FOXP2: variants seen among roughly 807,000 people sequenced by gnomAD.
FOXP2 encodes the protein forkhead box P2.
A neutral mutation model predicts 115.8 loss-of-function variants in FOXP2; 12 were observed. The observed-to-expected ratio is 0.10, with a 90% CI of 0.07 to 0.17. The LOEUF is 0.17. FOXP2 is among the 10% of genes least tolerant of loss of function. The pLI is 1.00. For synonymous variants in FOXP2, 328 were observed against 297.7 expected, an observed-to-expected ratio of 1.10 and a Z score of -1.05; for missense variants, 629 against 843.5, an observed-to-expected ratio of 0.75 and a Z score of 3.15.
chr7:114,187,076 AT>A (rs1191549113), intron 1 of FOXP2, among the ~76,000 whole-genome samples: 1 of 152,130 alleles, frequency 6.6e-6, no homozygotes, highest in Non-Finnish European at 1.5e-5. Context: ...TTGTACAATA[AT>A]TTCTGGCTTT....
chr7:114,388,650 C>T (rs1207139189), intron 2 of FOXP2, among the ~76,000 whole-genome samples: 5 of 152,108 alleles, frequency 3.3e-5, no homozygotes, highest in African/African-American at 1.2e-4. Flanking sequence ...AAAAAATATA[C>T]TGTTAGAGAA....
At chr7:114,115,860 G>C (rs964560893) in intron 1 of FOXP2, among the ~76,000 whole-genome samples, 1 of 152,104 alleles carries the variant, frequency 6.6e-6, no homozygotes, top group African/African-American at 2.4e-5. Context: ...ATGGCACCTG[G>C]TGTATGGTAG....
At chr7:114,191,347 A>G (rs1203118663) in intron 1 of FOXP2, among the ~76,000 whole-genome samples, 1 of 152,194 alleles carries the variant, frequency 6.6e-6, no homozygotes. Flanking sequence ...ATTACAAAAA[A>G]TCCCAAGAGA....
chr7:114,401,386 C>A (rs1308769917), intron 2 of FOXP2, among the ~76,000 whole-genome samples: 1 of 152,148 alleles, frequency 6.6e-6, no homozygotes, highest in Non-Finnish European at 1.5e-5. Flanking sequence ...CTTCTATTGA[C>A]TTGAAGAGAT....
intron 1 of FOXP2, among the ~76,000 whole-genome samples, chr7:114,287,510 C>T (rs1477286376): frequency 6.6e-6 from 1 of 151,888 alleles, no homozygotes; most frequent in African/African-American, 2.4e-5. Context: ...CTGGGAAATA[C>T]AAACTTAAAT....
intron 2 of FOXP2, among the ~76,000 whole-genome samples, chr7:114,389,078 G>A (rs1023140135): frequency 1.3e-5 from 2 of 152,154 alleles, no homozygotes; most frequent in African/African-American, 4.8e-5. Context: ...ACTCTCTTTA[G>A]CTATACTAGC....
At chr7:114,135,241 AT>A (rs1226394273) in intron 1 of FOXP2, among the ~76,000 whole-genome samples, 1 of 152,092 alleles carries the variant, frequency 6.6e-6, no homozygotes, top group African/African-American at 2.4e-5. Flanking sequence ...CAACTGAAAA[AT>A]TTACTTATGA....
Position 114,562,604 on chromosome 7 carries a change from C to T in FOXP2, c.258+27898C>T, listed in dbSNP as rs180991588. On this transcript the variant is annotated intron_variant, in intron 3 of 16. Transcript: ENST00000350908. The stretch of plus-strand genomic sequence containing the variant: ...TCCTGTGCATGATACCTACCCCTTT[C>T]CACCTCTTCCAGAACCTTGTCTTGT... Among the ~76,000 whole-genome samples, 51 of 152,288 alleles carry T rather than the reference C, an allele frequency of 3.3e-4. No individual in the cohort carries two copies. The East Asian group carries it at 8.9e-3, about 27-fold the overall frequency.
At chr7:114,148,420 T>C (rs1792438615) in intron 1 of FOXP2, among the ~76,000 whole-genome samples, 1 of 152,196 alleles carries the variant, frequency 6.6e-6, no homozygotes, top group Non-Finnish European at 1.5e-5. Context: ...TTCTCTTTTG[T>C]TCTTTGTAGG....
chr7:114,163,903 T>C (rs754627736), intron 1 of FOXP2, among the ~76,000 whole-genome samples: 4 of 152,220 alleles, frequency 2.6e-5, no homozygotes, highest in Non-Finnish European at 4.4e-5. Flanking sequence ...ATCATTTTAT[T>C]ATTCCTCAGT....
At chr7:114,372,232 C>A (rs1792029809) in intron 2 of FOXP2, among the ~76,000 whole-genome samples, 1 of 152,126 alleles carries the variant, frequency 6.6e-6, no homozygotes, top group Non-Finnish European at 1.5e-5. Flanking sequence ...ACACCAGGTA[C>A]TTCCTAAATC....
At chr7:114,621,203 G>A (rs1804233491) in intron 3 of FOXP2, among the ~76,000 whole-genome samples, 1 of 151,966 alleles carries the variant, frequency 6.6e-6, no homozygotes, top group African/African-American at 2.4e-5. Context: ...GGAGGAGCTA[G>A]TTTGTTTTTA....
intron 2 of FOXP2, among the ~76,000 whole-genome samples, chr7:114,525,381 TA>T (rs1798811206): frequency 6.6e-6 from 1 of 152,210 alleles, no homozygotes; most frequent in African/African-American, 2.4e-5. Context: ...CTAGCTGTAT[TA>T]AATTAGAGCA....
intron 1 of FOXP2, among the ~76,000 whole-genome samples, chr7:114,088,749 T>A (rs796882345): frequency 7.2e-5 from 11 of 152,382 alleles, no homozygotes; most frequent in African/African-American, 2.6e-4. Flanking sequence ...TCTGTCACTA[T>A]GAGTTATGGA....
chr7:114,490,065 C>T (rs750989781), intron 2 of FOXP2, among the ~76,000 whole-genome samples: 10 of 152,088 alleles, frequency 6.6e-5, no homozygotes, highest in Non-Finnish European at 1.0e-4. Context: ...AGCAATTGTG[C>T]TCTTCTGCAT....
At chr7:114,478,102 A>C (rs1440891005) in intron 2 of FOXP2, among the ~76,000 whole-genome samples, 1 of 151,932 alleles carries the variant, frequency 6.6e-6, no homozygotes, top group Non-Finnish European at 1.5e-5. Flanking sequence ...GAGTGTTTTT[A>C]AAAACAAAGA....
At chr7:114,121,861 G>A (rs1791576516) in intron 1 of FOXP2, among the ~76,000 whole-genome samples, 1 of 152,110 alleles carries the variant, frequency 6.6e-6, no homozygotes, top group Non-Finnish European at 1.5e-5. Context: ...ATGTTATTCA[G>A]ACATGGATGC....
intron 3 of FOXP2, among the ~76,000 whole-genome samples, chr7:114,557,056 G>A (rs1800499702): frequency 1.3e-5 from 2 of 151,980 alleles, no homozygotes; most frequent in African/African-American, 4.8e-5. Flanking sequence ...GTAAAATACA[G>A]TTTTTACATT....
intron 2 of FOXP2, among the ~76,000 whole-genome samples, chr7:114,440,046 T>C (rs896498377): frequency 2.6e-5 from 4 of 152,186 alleles, no homozygotes; most frequent in Non-Finnish European, 2.9e-5. Flanking sequence ...TTCATATGAC[T>C]TTTAACAGTT....
Sources: allele counts gnomAD v4.1 joint callset (sites outside exome capture counted in the v4.1 genomes callset), GRCh38; gene constraint gnomAD v4.1.1; transcripts MANE v1.5; gene names NCBI Gene and HGNC (gene_info 2026-07-23, HGNC 2026-07-21).